The following ADCY4 variants were observed in gnomAD, a reference collection of about 807,000 sequenced individuals.
The protein encoded by ADCY4 is adenylate cyclase 4.
ADCY4 carries 111 observed loss-of-function variants against 125.5 expected under a neutral mutation model. The observed-to-expected ratio is 0.88, with a 90% confidence interval of 0.76 to 1.04. The LOEUF is 1.04. Among genes scored for constraint, ADCY4 ranks in the 50% least tolerant of loss-of-function variants. The pLI, the probability that ADCY4 is intolerant of heterozygous loss-of-function variation, is 0.00. For synonymous variants in ADCY4, 576 were observed against 586.9 expected (o/e 0.98, Z 0.27); for missense variants, 1,256 against 1,382.9 (o/e 0.91, Z 1.46).
chr14:24,319,136 A>G lies in ADCY4; in HGVS notation c.2918T>C (p.Ile973Thr). Residue 973 changes from isoleucine (I) to threonine (T), a missense_variant, in exon 23 of 25, where the codon ATC becomes ACC. Physicochemically the swap from Ile to Thr is moderately conservative, Grantham distance 89. Coordinates refer to ENST00000418030, the MANE Select transcript of ADCY4 (RefSeq NM_001198568.2). The surrounding 1 kb of genome is among the most constrained non-coding windows in gnomAD (Gnocchi z 4.5). ...GAAGTTGTTGAATGAATGCTTGTTGATGACGTCCAGCTTAGACCCCAGGGC... is the reference window on the plus strand; with the variant it reads ...GAAGTTGTTGAATGAATGCTTGTTGGTGACGTCCAGCTTAGACCCCAGGGC... Reference protein sequence around the residue: ...AVALGSKLDVINKHSFNNFRL... With the variant: ...AVALGSKLDVTNKHSFNNFRL... The G allele has an allele frequency of 6.2e-7, 1 of 1,614,028 alleles. No individual in the cohort carries two copies. The highest frequency in any genetic ancestry group is 1.1e-5 in the South Asian group (1 of 91,080).
Position 24,329,922 on chromosome 14 carries a change from C to G in ADCY4, c.1155G>C (p.Gln385His). The change falls in exon 8 of 25, where the codon CAG (glutamine) becomes CAC (histidine). Residue 385 changes from glutamine (Q) to histidine (H), a missense_variant. By Grantham distance (24) the Gln-to-His change is conservative. Coordinates refer to ENST00000418030, the MANE Select transcript of ADCY4 (RefSeq NM_001198568.2). ...LCGVIGLQKWQYDVWSHDVTL... is the reference protein window; with the variant it reads ...LCGVIGLQKWHYDVWSHDVTL... Reference sequence around the variant, plus strand: ...TGACATCATGTGACCAAACGTCGTACTGCCACTTCTGCAGCCCGATGACTC... The same window carrying G: ...TGACATCATGTGACCAAACGTCGTAGTGCCACTTCTGCAGCCCGATGACTC... 6.2e-7 allele frequency: 1 copy of G among 1,614,152 alleles called. No individual in the cohort carries two copies. The highest frequency in any genetic ancestry group is 8.5e-7 in the Non-Finnish European group (1 of 1,180,010).
chr14:24,319,798 GA>G lies in ADCY4; in HGVS notation c.2676del (p.His893MetfsTer4). On this transcript the variant is annotated frameshift_variant, in exon 21 of 25. Transcript: ENST00000418030. LOFTEE classifies it high-confidence loss of function. The surrounding 1 kb of genome is among the most constrained non-coding windows in gnomAD (Gnocchi z 4.5). ...AGCCTCAGACACTCTAGGCCCTCATGATTGATGTTGGATTCAGAGTAGAACT... is the reference window on the plus strand; with the variant it reads ...AGCCTCAGACACTCTAGGCCCTCATGTTGATGTTGGATTCAGAGTAGAACT... ...FKEFYSESNINHEGLECLRLL... is the reference protein window; with the variant it reads ...FKEFYSESNIXHEGLECLRLL... 1 of 1,614,180 alleles carries G rather than the reference GA, an allele frequency of 6.2e-7. No individual in the cohort carries two copies. Among genetic ancestry groups the G allele is most frequent in the South Asian group, 1.1e-5 (1 of 91,078 alleles).
chr14:24,325,249 G>A (rs1566435280), intron 14 of ADCY4, 128 bp downstream of exon 14: 6 of 692,988 alleles, frequency 8.7e-6, no homozygotes, highest in South Asian at 1.7e-5. Context: ...CAGAACACAT[G>A]TTTCCTCTGT....
chr14:24,331,691 C>A, intron 4 of ADCY4, 97 bp downstream of exon 4: 2 of 1,401,292 alleles, frequency 1.4e-6, no homozygotes, highest in South Asian at 3.1e-5. Flanking sequence ...GTCAAGAAAC[C>A]TGCCCAGAGT....
intron 3 of ADCY4, 23 bp downstream of exon 3, chr14:24,332,499 G>A: frequency 6.4e-7 from 1 of 1,553,796 alleles, no homozygotes; most frequent in Non-Finnish European, 8.7e-7. Context: ...CCTGAGCGCA[G>A]CCTGTGCTAC....
intron 1 of ADCY4, among the ~76,000 whole-genome samples, chr14:24,333,659 G>T (rs916422970): frequency 6.6e-6 from 1 of 152,236 alleles, no homozygotes; most frequent in Non-Finnish European, 1.5e-5. Flanking sequence ...GCAAGTGAAA[G>T]ATAGATCCAA....
At chr14:24,323,955 C>G in intron 16 of ADCY4, 107 bp downstream of exon 16, 1 of 1,441,756 alleles carries the variant, frequency 6.9e-7, no homozygotes, top group African/African-American at 1.4e-5. Flanking sequence ...TTTCCAGCAT[C>G]CCCTGGGCTT....
At position 24,332,502 on chromosome 14, in the gene ADCY4, T is replaced by TGTGCTA. The variant is rs780918513; in HGVS notation, c.519+14_519+19dup. ...TGGCAGAGCCGTCCTGAGCGCAGCC[T>TGTGCTA]GTGCTACTTGCGTGCTCACCTGCGG... On this transcript the variant is annotated intron_variant, in intron 3 of 24. Transcript: ENST00000418030. 9.3e-5 allele frequency: 145 copies of TGTGCTA among 1,555,044 alleles called. 3 individuals carry two copies. The highest frequency in any genetic ancestry group is 8.4e-4 in the East Asian group (35 of 41,842).
chr14:24,331,405 G>A (rs1446340935), intron 4 of ADCY4, 49 bp from the exon 5 acceptor site: 1 of 1,605,912 alleles, frequency 6.2e-7, no homozygotes, highest in South Asian at 1.1e-5. Flanking sequence ...CTAAAGCCAG[G>A]AGGCCCTGTC....
rs909065024 is a variant in ADCY4, at chr14:24,323,337, C to A, written c.2157+7G>T. The A allele has an allele frequency of 1.8e-5, 28 of 1,546,902 alleles. No homozygotes were observed. Among genetic ancestry groups the A allele is most frequent in the Non-Finnish European group, 2.5e-5 (28 of 1,142,180 alleles). On this transcript the variant is annotated splice_region_variant and intron_variant, in intron 17 of 24. Transcript: ENST00000418030. ...GAAGGAGATTAAGGGCATGTGGGAA[C>A]ACTCACTGGGACACTGATGAGAGGC...
In ADCY4 at chr14:24,329,244, A is replaced by G. The variant is rs201418477; in HGVS notation, c.1351-10T>C. On this transcript the variant is annotated splice_polypyrimidine_tract_variant and intron_variant, in intron 9 of 24. Transcript: ENST00000418030. ...CATCCTCCTCCTCTGCCTGGGGCAC[A>G]TAAGGGCTGACAGTAAAGACCACAG... 1.2e-6 allele frequency: 2 copies of G among 1,613,028 alleles called. No homozygotes were observed. Among genetic ancestry groups the G allele is most frequent in the East Asian group, 2.2e-5 (1 of 44,866 alleles).
intron 12 of ADCY4, 83 bp downstream of exon 12, chr14:24,325,996 C>G: frequency 6.3e-7 from 1 of 1,583,310 alleles, no homozygotes; most frequent in Non-Finnish European, 8.6e-7. Context: ...AGTCTTCCCT[C>G]CAGCCCCTCA....
chr14:24,333,295 A>G (rs1029072879), intron 1 of ADCY4, among the ~76,000 whole-genome samples: 1 of 152,038 alleles, frequency 6.6e-6, no homozygotes, highest in South Asian at 2.1e-4. Flanking sequence ...ATCTCGGCTT[A>G]CTGCAACCTC....
At chr14:24,329,620 T>G (rs1169849540) in intron 8 of ADCY4, 87 bp from the exon 9 acceptor site, 2 of 1,477,944 alleles carry the variant, frequency 1.4e-6, no homozygotes, top group African/African-American at 2.8e-5. Flanking sequence ...CTCCTAGAAC[T>G]GACAAACATC....
chr14:24,332,565 T>C lies in ADCY4; in HGVS notation c.476A>G (p.Tyr159Cys). The C allele has an allele frequency of 2.5e-6, 4 of 1,575,634 alleles. No individual in the cohort carries two copies. Among genetic ancestry groups the C allele is most frequent in the African/African-American group, 1.3e-5 (1 of 74,500 alleles). Residue 159 changes from tyrosine (Y) to cysteine (C), a missense_variant, in exon 3 of 25, where the codon TAT becomes TGT. By Grantham distance (194) the Tyr-to-Cys change is radical. Coordinates refer to ENST00000418030, the MANE Select transcript of ADCY4 (RefSeq NM_001198568.2). ...CCGTGAGTCCGGCTGTGGCCCAAGA[T>C]ACAGCCCGAGGACCAGCAGATGCGA... ...SLSHLLVLGL[Y>C]LGPQPDSRPA...
At position 24,334,577 on chromosome 14, in the gene ADCY4, G is replaced by T. The variant is rs369104094; in HGVS notation, c.76C>A (p.Gln26Lys). 3 of 1,575,132 alleles carry T rather than the reference G, an allele frequency of 1.9e-6. No homozygotes were observed. Among genetic ancestry groups the T allele is most frequent in the Non-Finnish European group, 2.6e-6 (3 of 1,163,306 alleles). The change falls in exon 1 of 25, where the codon CAG becomes AAG. Residue 26 changes from glutamine to lysine, a missense_variant. By Grantham distance (53) the Gln-to-Lys change is moderately conservative. Coordinates refer to ENST00000418030, the MANE Select transcript of ADCY4 (RefSeq NM_001198568.2). Reference sequence around the variant, plus strand: ...AGCAGCAGCAGCAGCAGCGGGTACTGCTGGCTCAGGCTGTAGTAGGTCTCG... The same window carrying T: ...AGCAGCAGCAGCAGCAGCGGGTACTTCTGGCTCAGGCTGTAGTAGGTCTCG... ...FYETYYSLSQ[Q>K]YPLLLLLLGI... is the part of the protein sequence containing the mutation.
intron 1 of ADCY4, among the ~76,000 whole-genome samples, chr14:24,334,186 A>T (rs528672811): frequency 6.6e-6 from 1 of 152,098 alleles, no homozygotes; most frequent in South Asian, 2.1e-4. Context: ...GCCTCCTAGA[A>T]TTTCCCCTTT....
intron 6 of ADCY4, chr14:24,330,688 G>T: frequency 2.9e-6 from 1 of 350,760 alleles, no homozygotes; most frequent in East Asian, 5.1e-5. Context: ...TCTCTTGGAA[G>T]GGCCTCCTAA....
At chr14:24,329,307 C>G in intron 9 of ADCY4, 73 bp from the exon 10 acceptor site, 1 of 1,581,532 alleles carries the variant, frequency 6.3e-7, no homozygotes. Context: ...CACTAGGACC[C>G]AGGAACTCAA....
Sources: allele counts gnomAD v4.1 joint callset (sites outside exome capture counted in the v4.1 genomes callset), GRCh38; gene constraint gnomAD v4.1.1; non-coding constraint Gnocchi (gnomAD v3.1); transcripts MANE v1.5; gene names NCBI Gene and HGNC (gene_info 2026-07-23, HGNC 2026-07-21).